Variants in RP1 observed in about 807,000 individuals in gnomAD.
RP1 encodes oxygen-regulated protein 1.
RP1 carries 16 observed loss-of-function variants against 14.8 expected under a neutral mutation model. That is an observed-to-expected ratio of 1.08 (90% confidence interval 0.73 to 1.65). The LOEUF is 1.65. RP1 is among the 40% of genes most tolerant of loss of function. The pLI, the probability that RP1 is intolerant of heterozygous loss-of-function variation, is 0.00. For missense variants in RP1, 2,631 were observed against 2,535.0 expected (o/e 1.04, Z -0.81); for synonymous variants, 876 against 883.6 (o/e 0.99, Z 0.15).
rs939190322 is a variant in RP1 at position 54,701,633 on chromosome 8, C to A, written c.1969C>A (p.Leu657Ile). ...TGCATCATCAGCAGGCTATGCAAATCTTTCAAAAGAATTTGTGATTTTTGT... is the reference window on the plus strand; with the variant it reads ...TGCATCATCAGCAGGCTATGCAAATATTTCAAAAGAATTTGTGATTTTTGT... The change falls in exon 14 of 23, where the codon CTT (leucine) becomes ATT (isoleucine). Residue 657 changes from leucine to isoleucine, a missense_variant. Transcript: ENST00000636932. 3.9e-6 allele frequency: 6 copies of A among 1,534,676 alleles called. No homozygotes were observed. The African/African-American group carries it at 5.5e-5, about 14-fold the overall frequency.
chr8:54,856,395 A>G (rs1240095342), intron 26 of RP1, among the ~76,000 whole-genome samples: 2 of 152,184 alleles, frequency 1.3e-5, no homozygotes, highest in African/African-American at 2.4e-5. Context: ...GTATACCTGT[A>G]TCTACTTCAT....
At chr8:54,662,130 G>A (rs1479494801) in intron 6 of RP1, among the ~76,000 whole-genome samples, 2 of 151,996 alleles carry the variant, frequency 1.3e-5, no homozygotes, top group East Asian at 3.9e-4. Flanking sequence ...TCCCATGTGA[G>A]CTGATATTTT....
chr8:54,613,594 C>T (rs904926432), upstream of RP1, among the ~76,000 whole-genome samples: 1 of 152,050 alleles, frequency 6.6e-6, no homozygotes, highest in African/African-American at 2.4e-5. Context: ...TATATTTATA[C>T]AGATAGATAA....
intron 1 of RP1, among the ~76,000 whole-genome samples, chr8:54,617,656 C>T (rs139565857): frequency 1.3e-5 from 2 of 152,290 alleles, no homozygotes; most frequent in Non-Finnish European, 1.5e-5. Flanking sequence ...GGAAATTGCC[C>T]TCTCTTCTCA....
chr8:54,675,876 G>A (rs1013472670), intron 8 of RP1, among the ~76,000 whole-genome samples: 25 of 152,088 alleles, frequency 1.6e-4, no homozygotes, highest in Admixed American at 1.3e-4. Flanking sequence ...CTTAGACTGG[G>A]CAATTTATAA....
intron 1 of RP1, among the ~76,000 whole-genome samples, chr8:54,605,611 G>A (rs370310201): frequency 3.9e-5 from 6 of 152,068 alleles, no homozygotes; most frequent in South Asian, 2.1e-4. Context: ...TTTCTGTCTC[G>A]TTGATCTGTC....
chr8:54,680,314 T>C (rs996542575), intron 12 of RP1, among the ~76,000 whole-genome samples: 3 of 152,184 alleles, frequency 2.0e-5, no homozygotes, highest in African/African-American at 4.8e-5. Context: ...GTAGCTAGTG[T>C]CATAATAAAT....
intron 3 of RP1, among the ~76,000 whole-genome samples, chr8:54,644,740 C>T (rs143826911): frequency 5.5e-4 from 84 of 152,264 alleles, no homozygotes; most frequent in African/African-American, 1.9e-3. Flanking sequence ...TAAATTGGTG[C>T]CTTCAAACAA....
chr8:54,766,477 GA>G (rs1472836134), intron 22 of RP1, among the ~76,000 whole-genome samples: 1 of 152,044 alleles, frequency 6.6e-6, no homozygotes, highest in Non-Finnish European at 1.5e-5. Context: ...TCCTTGGTGC[GA>G]AAGTGACAAG....
chr8:54,627,497 A>G lies in RP1; in HGVS notation c.3615A>G (p.Pro1205=), dbSNP rs546915602. 1.2e-6 allele frequency: 2 copies of G among 1,614,188 alleles called. No homozygotes were observed. The highest frequency in any genetic ancestry group is 2.7e-5 in the African/African-American group (2 of 75,066). Residue 1205 remains proline, a synonymous_variant, in exon 4 of 4, where the codon CCA becomes CCG. Transcript: ENST00000220676. ...GLSEKEQDMV[P]IDLSANCSTV... ...GTGAGAAAGAACAAGACATGGTTCCAATAGATCTTTCTGCAAATTGTTCCA... is the reference window on the plus strand; with the variant it reads ...GTGAGAAAGAACAAGACATGGTTCCGATAGATCTTTCTGCAAATTGTTCCA...
intron 6 of RP1, among the ~76,000 whole-genome samples, chr8:54,662,171 T>A (rs2129329286): frequency 6.6e-6 from 1 of 152,306 alleles, no homozygotes; most frequent in South Asian, 2.1e-4. Flanking sequence ...GTATTCTTAT[T>A]ATATTCTGGG....
chr8:54,829,431 C>A lies in RP1; in HGVS notation c.3616-8019C>A, dbSNP rs895156625. On this transcript the variant is annotated intron_variant, in intron 24 of 28. Transcript: ENST00000637698. ...AGATGAAACCAGAAAATAAAAGCAT[C>A]CATTATAAATACAATCAATAAAAAT... 3.3e-5 allele frequency among the ~76,000 whole-genome samples: 5 copies of A among 151,950 alleles called. No individual in the cohort carries two copies. The South Asian group carries it at 1.0e-3, about 32-fold the overall frequency.
chr8:54,859,365 C>T (rs1223448310), intron 27 of RP1, among the ~76,000 whole-genome samples: 2 of 145,820 alleles, frequency 1.4e-5, no homozygotes, highest in African/African-American at 5.2e-5. Context: ...GAGTGTGTCA[C>T]TGTGGAGCAT....
chr8:54,650,261 G>C (rs1806627097), intron 4 of RP1, among the ~76,000 whole-genome samples: 1 of 152,088 alleles, frequency 6.6e-6, no homozygotes, highest in Non-Finnish European at 1.5e-5. Context: ...ATCTCTTGTT[G>C]TAGAGGTGAT....
rs1046625700 is a variant in RP1, at chr8:54,720,255, A to G, written c.2338A>G (p.Met780Val). Residue 780 changes from methionine (M) to valine (V), a missense_variant, in exon 16 of 23, where the codon ATG (methionine) becomes GTG (valine). Met to Val is a conservative substitution (Grantham distance 21, BLOSUM62 1). Coordinates refer to the RP1 transcript ENST00000636932. The stretch of plus-strand genomic sequence containing the variant: ...TCAGTCAGATGGGCAGGCAAAACCA[A>G]TGATTTATACCAAGGATGAGAATGT... 7.2e-6 allele frequency: 11 copies of G among 1,535,860 alleles called. No individual in the cohort carries two copies. The South Asian group carries it at 1.1e-4, about 15-fold the overall frequency.
intron 1 of RP1, among the ~76,000 whole-genome samples, chr8:54,600,375 T>C (rs1428748366): frequency 6.6e-6 from 1 of 152,232 alleles, no homozygotes; most frequent in African/African-American, 2.4e-5. Flanking sequence ...GGAATGGCTT[T>C]ATTAGCAGCA....
chr8:54,804,363 A>G (rs1196690764), intron 24 of RP1, among the ~76,000 whole-genome samples: 1 of 152,232 alleles, frequency 6.6e-6, no homozygotes, highest in African/African-American at 2.4e-5. Context: ...AATGACGTTA[A>G]GGCCCACCAT....
chr8:54,865,825 A>G (rs1563400659), intron 27 of RP1: 4 of 1,147,964 alleles, frequency 3.5e-6, no homozygotes, highest in Admixed American at 4.2e-5. Context: ...TCCTTTGTCA[A>G]CTGACACAGG....
chr8:54,697,026 A>G, intron 12 of RP1: 1 of 1,462,974 alleles, frequency 6.8e-7, no homozygotes, highest in South Asian at 1.1e-5. Flanking sequence ...CACCCTTTCC[A>G]CCTTTCAGTG....
Sources: gnomAD v4.1 joint callset for allele counts (sites outside exome capture counted in the v4.1 genomes callset) on GRCh38, gnomAD v4.1.1 for gene constraint, MANE v1.5 for transcripts, NCBI Gene and HGNC (gene_info 2026-07-23, HGNC 2026-07-21) for gene names.